The following PTPRG variants were observed in gnomAD, a reference collection of about 807,000 sequenced individuals.
PTPRG encodes the protein receptor-type tyrosine-protein phosphatase gamma.
A neutral mutation model predicts 165.3 loss-of-function variants in PTPRG; 102 were observed. That is an observed-to-expected ratio of 0.62 (90% CI 0.53 to 0.73). The LOEUF (loss-of-function observed/expected upper bound fraction) is 0.73, where lower values mean the gene tolerates loss of function less well. Ranked by LOEUF, PTPRG falls within the 30% of genes least tolerant of loss-of-function variation. The pLI, the probability that PTPRG is intolerant of heterozygous loss-of-function variation, is 0.00. For missense variants in PTPRG, 1,866 were observed against 1,861.4 expected (o/e 1.00, Z -0.05); for synonymous variants, 675 against 669.5 (o/e 1.01, Z -0.13).
chr3:61,710,658 T>G (rs2031505246), intron 1 of PTPRG, among the ~76,000 whole-genome samples: 1 of 152,108 alleles, frequency 6.6e-6, no homozygotes, highest in African/African-American at 2.4e-5. Context: ...TGTTAGTGTA[T>G]TTTATGTGTG....
intron 2 of PTPRG, among the ~76,000 whole-genome samples, chr3:61,942,420 C>T (rs1308821029): frequency 1.3e-5 from 2 of 152,176 alleles, no homozygotes; most frequent in African/African-American, 2.4e-5. Context: ...TAGACCAAGC[C>T]CCATTCACTC....
chr3:61,833,640 G>C (rs895316951), intron 2 of PTPRG, among the ~76,000 whole-genome samples: 1 of 151,776 alleles, frequency 6.6e-6, no homozygotes, highest in Non-Finnish European at 1.5e-5. Context: ...TCGGCTCGCT[G>C]CAACCTCCGC....
intron 1 of PTPRG, among the ~76,000 whole-genome samples, chr3:61,680,727 T>C (rs1703408735): frequency 6.6e-6 from 1 of 151,234 alleles, no homozygotes; most frequent in Non-Finnish European, 1.5e-5. Context: ...TAGAGCTGTT[T>C]CTGGTTATCA....
At chr3:61,976,534 A>G (rs1056189212) in intron 2 of PTPRG, among the ~76,000 whole-genome samples, 5 of 152,252 alleles carry the variant, frequency 3.3e-5, no homozygotes, top group African/African-American at 1.2e-4. Flanking sequence ...AGCAACCTAC[A>G]GGGTTCTCAT....
intron 1 of PTPRG, chr3:61,742,764 A>C (rs2033045296): frequency 1.2e-6 from 2 of 1,611,802 alleles, no homozygotes; most frequent in Admixed American, 3.3e-5. Context: ...GCTTGATCAG[A>C]GACTCTGAGG....
At chr3:61,707,708 A>G (rs980808938) in intron 1 of PTPRG, among the ~76,000 whole-genome samples, 4 of 152,216 alleles carry the variant, frequency 2.6e-5, no homozygotes, top group Non-Finnish European at 5.9e-5. Flanking sequence ...TTGACCAAAT[A>G]TCTGGGCACC....
chr3:62,168,186 GC>G (rs773426261), intron 8 of PTPRG, 23 bp downstream of exon 8: 1 of 1,568,504 alleles, frequency 6.4e-7, no homozygotes, highest in South Asian at 1.2e-5. Context: ...TAAGTGCCTT[GC>G]CCAGAGGAAG....
At chr3:62,136,267 G>C (rs559932783) in intron 6 of PTPRG, among the ~76,000 whole-genome samples, 30 of 152,324 alleles carry the variant, frequency 2.0e-4, no homozygotes, top group African/African-American at 6.5e-4. Context: ...ATGCTTGGTA[G>C]AGATGTACAA....
intron 28 of PTPRG, among the ~76,000 whole-genome samples, chr3:62,284,427 C>T (rs1284359774): frequency 6.6e-6 from 1 of 152,012 alleles, no homozygotes; most frequent in African/African-American, 2.4e-5. Flanking sequence ...TAATCCTAAA[C>T]CAGTAGATCT....
At chr3:62,123,640 T>G (rs1962169) in intron 5 of PTPRG, among the ~76,000 whole-genome samples, 110,156 of 151,988 alleles carry the variant, frequency 0.72, 40,155 homozygotes, top group Non-Finnish European at 0.76. Context: ...AAAAAGTTTA[T>G]CATGAATAAG....
chr3:61,714,603 C>A (rs2031720331), intron 1 of PTPRG, among the ~76,000 whole-genome samples: 1 of 152,196 alleles, frequency 6.6e-6, no homozygotes, highest in African/African-American at 2.4e-5. Flanking sequence ...GAGATTCAAT[C>A]CAGGCTCTTT....
intron 1 of PTPRG, among the ~76,000 whole-genome samples, chr3:61,697,223 T>TAG (rs1375659737): frequency 1.3e-5 from 2 of 152,106 alleles, no homozygotes; most frequent in East Asian, 3.9e-4. Context: ...GAGGCATCCT[T>TAG]ATCACTGAGG....
At chr3:62,238,322 C>G (rs1701077070) in intron 14 of PTPRG, among the ~76,000 whole-genome samples, 1 of 152,118 alleles carries the variant, frequency 6.6e-6, no homozygotes, top group Non-Finnish European at 1.5e-5. Flanking sequence ...GTAAGTCCCT[C>G]TATCTTGGGT....
intron 2 of PTPRG, among the ~76,000 whole-genome samples, chr3:61,913,319 A>C (rs2038849384): frequency 6.6e-6 from 1 of 152,136 alleles, no homozygotes; most frequent in Non-Finnish European, 1.5e-5. Context: ...TCCTGGGTTC[A>C]TGCCATTCTC....
chr3:62,232,749 G>T (rs1700934567), intron 14 of PTPRG, among the ~76,000 whole-genome samples: 1 of 152,218 alleles, frequency 6.6e-6, no homozygotes, highest in Non-Finnish European at 1.5e-5. Context: ...CTTCTCTGCT[G>T]CTCAGTGAAG....
intron 5 of PTPRG, among the ~76,000 whole-genome samples, chr3:62,114,144 C>G (rs1472813270): frequency 2.0e-5 from 3 of 152,086 alleles, no homozygotes; most frequent in Non-Finnish European, 4.4e-5. Context: ...ACTAAAAATA[C>G]GAAACTTACC....
intron 4 of PTPRG, among the ~76,000 whole-genome samples, chr3:62,005,690 C>CTTTTTTT (rs35487954): frequency 1.7e-5 from 1 of 60,304 alleles, no homozygotes; most frequent in Non-Finnish European, 2.8e-5. Context: ...CATTAATATC[C>CTTTTTTT]TTTTTTTTTT....
At chr3:61,677,762 T>G (rs1044889720) in intron 1 of PTPRG, among the ~76,000 whole-genome samples, 18 of 152,122 alleles carry the variant, frequency 1.2e-4, no homozygotes, top group Non-Finnish European at 2.5e-4. Flanking sequence ...CTTGCTTATT[T>G]GATATATTTT....
At chr3:61,577,647 TA>T (rs1485283215) in intron 1 of PTPRG, among the ~76,000 whole-genome samples, 5 of 152,230 alleles carry the variant, frequency 3.3e-5, no homozygotes, top group Admixed American at 6.5e-5. Flanking sequence ...CATAAAATTT[TA>T]AATTACACAT....
Sources: gnomAD v4.1 joint callset for allele counts (sites outside exome capture counted in the v4.1 genomes callset) on GRCh38, gnomAD v4.1.1 for gene constraint, MANE v1.5 for transcripts, NCBI Gene and HGNC (gene_info 2026-07-23, HGNC 2026-07-21) for gene names.